PRKCA: variants seen among roughly 807,000 people sequenced by gnomAD.
The protein encoded by PRKCA is protein kinase C alpha, also known as protein kinase C alpha type.
PRKCA carries 27 observed loss-of-function variants against 87.0 expected under a neutral mutation model. That is an observed-to-expected ratio of 0.31 (90% CI 0.23 to 0.43). The LOEUF (loss-of-function observed/expected upper bound fraction) is 0.43. Ranked by LOEUF, PRKCA falls within the 20% of genes least tolerant of loss-of-function variation. The probability of loss-of-function intolerance (pLI) is 1.00; values close to 1 mark genes in which losing one functional copy is unlikely to be tolerated. For synonymous variants in PRKCA, 329 were observed against 311.1 expected, an observed-to-expected ratio of 1.06 and a Z score of -0.61; for missense variants, 518 against 852.3, an observed-to-expected ratio of 0.61 and a Z score of 4.88.
intron 2 of PRKCA, among the ~76,000 whole-genome samples, chr17:66,487,131 T>C (rs1916019989): frequency 6.6e-6 from 1 of 152,188 alleles, no homozygotes; most frequent in South Asian, 2.1e-4. Flanking sequence ...CTAGAACTTA[T>C]TCCTTCTGTC....
At chr17:66,452,536 G>A (rs976959053) in intron 2 of PRKCA, among the ~76,000 whole-genome samples, 2 of 152,176 alleles carry the variant, frequency 1.3e-5, no homozygotes, top group Non-Finnish European at 2.9e-5. Context: ...TGAGAACCTC[G>A]AGGAGTGTTT....
At chr17:66,437,731 T>TTTTTTTTTTTTTTTGTG in intron 2 of PRKCA, among the ~76,000 whole-genome samples, 1 of 11,142 alleles carries the variant, frequency 9.0e-5, no homozygotes, top group Non-Finnish European at 1.6e-4. Context: ...TTTTTTTTTT[T>TTTTTTTTTTTTTTTGTG]GAGCGGGGGG....
chr17:66,544,022 G>T (rs550315842), intron 3 of PRKCA, among the ~76,000 whole-genome samples: 11 of 152,162 alleles, frequency 7.2e-5, no homozygotes, highest in Non-Finnish European at 1.3e-4. Context: ...GACCAGCCTG[G>T]CCGACTTGGT....
chr17:66,454,532 C>T (rs1019810734), intron 2 of PRKCA, among the ~76,000 whole-genome samples: 2 of 152,152 alleles, frequency 1.3e-5, no homozygotes, highest in Non-Finnish European at 2.9e-5. Context: ...GGGCAATTTA[C>T]AAAAGAAAGA....
chr17:66,451,346 T>TTATC (rs1914304149), intron 2 of PRKCA, among the ~76,000 whole-genome samples: 1 of 84,966 alleles, frequency 1.2e-5, no homozygotes, highest in African/African-American at 4.4e-5. Flanking sequence ...GAGTTAGAAT[T>TTATC]TATTTATTTA....
chr17:66,566,479 GGTTTTTTTTTTTTT>G (rs1263822899), intron 3 of PRKCA, among the ~76,000 whole-genome samples: 5 of 74,704 alleles, frequency 6.7e-5, no homozygotes, highest in African/African-American at 2.3e-4. Context: ...GTTGTTTTTT[GGTTTTTTTTTTTTT>G]TTTTTTTTTG....
intron 3 of PRKCA, among the ~76,000 whole-genome samples, chr17:66,506,547 C>G (rs1318344953): frequency 6.6e-6 from 1 of 152,128 alleles, no homozygotes; most frequent in Non-Finnish European, 1.5e-5. Flanking sequence ...CTAACTTGAT[C>G]ACCAGTCGTA....
intron 3 of PRKCA, among the ~76,000 whole-genome samples, chr17:66,524,319 A>G (rs2144233261): frequency 1.3e-5 from 2 of 152,306 alleles, no homozygotes; most frequent in South Asian, 4.1e-4. Context: ...AGCAAAGAGC[A>G]TTTTTGTTAC....
At chr17:66,435,752 T>G (rs1913353620) in intron 2 of PRKCA, among the ~76,000 whole-genome samples, 1 of 152,062 alleles carries the variant, frequency 6.6e-6, no homozygotes, top group Admixed American at 6.6e-5. Context: ...GAGGACTTTT[T>G]GGGGGAGGGG....
chr17:66,372,412 G>A (rs761546224), intron 2 of PRKCA, among the ~76,000 whole-genome samples: 12 of 152,136 alleles, frequency 7.9e-5, no homozygotes, highest in Admixed American at 1.3e-4. Context: ...TAATTGGGCG[G>A]TACTGATGAA....
At chr17:66,484,627 TCTAA>T (rs1394046968) in intron 2 of PRKCA, among the ~76,000 whole-genome samples, 1 of 152,246 alleles carries the variant, frequency 6.6e-6, no homozygotes, top group Non-Finnish European at 1.5e-5. Context: ...TAAAATCCAA[TCTAA>T]CTAATGTATT....
At chr17:66,757,781 G>A (rs1285628206) in intron 13 of PRKCA, among the ~76,000 whole-genome samples, 2 of 152,106 alleles carry the variant, frequency 1.3e-5, no homozygotes, top group Non-Finnish European at 2.9e-5. Flanking sequence ...CTGGAGTGCA[G>A]TGGCGCCATC....
chr17:66,477,336 C>T (rs1915576184), intron 2 of PRKCA, among the ~76,000 whole-genome samples: 1 of 152,218 alleles, frequency 6.6e-6, no homozygotes, highest in South Asian at 2.1e-4. Context: ...AGGGGCGTTG[C>T]TTAACAAGCC....
chr17:66,512,720 A>G (rs1917295491), intron 3 of PRKCA, among the ~76,000 whole-genome samples: 2 of 151,892 alleles, frequency 1.3e-5, no homozygotes, highest in Admixed American at 1.3e-4. Context: ...TGTTATTATT[A>G]TTTTTGAGCT....
At chr17:66,727,482 G>C (rs1973785626) in intron 8 of PRKCA, among the ~76,000 whole-genome samples, 1 of 152,218 alleles carries the variant, frequency 6.6e-6, no homozygotes, top group African/African-American at 2.4e-5. Context: ...TGAGGTCCCA[G>C]GTGAAACTGG....
chr17:66,442,974 ACT>A (rs1913851593), intron 2 of PRKCA, among the ~76,000 whole-genome samples: 1 of 151,898 alleles, frequency 6.6e-6, no homozygotes, highest in African/African-American at 2.4e-5. Flanking sequence ...ACACGAGGTG[ACT>A]CTGGCAGGAG....
chr17:66,465,590 A>C (rs1915050330), intron 2 of PRKCA, among the ~76,000 whole-genome samples: 1 of 150,842 alleles, frequency 6.6e-6, no homozygotes, highest in Non-Finnish European at 1.5e-5. Flanking sequence ...GTAGAGATGA[A>C]GTCTTGCTGT....
chr17:66,414,415 T>C (rs565514117), intron 2 of PRKCA, among the ~76,000 whole-genome samples: 12 of 152,326 alleles, frequency 7.9e-5, no homozygotes, highest in African/African-American at 2.9e-4. Context: ...CCCTGAGGCC[T>C]CCCCAGAAAC....
intron 16 of PRKCA, among the ~76,000 whole-genome samples, chr17:66,800,648 G>T (rs1568043388): frequency 6.6e-6 from 1 of 152,178 alleles, no homozygotes; most frequent in East Asian, 1.9e-4. Flanking sequence ...ACGTCCCATT[G>T]GACGATGATT....
Sources: gnomAD v4.1 joint callset for allele counts (sites outside exome capture counted in the v4.1 genomes callset) on GRCh38, gnomAD v4.1.1 for gene constraint, MANE v1.5 for transcripts, NCBI Gene and HGNC (gene_info 2026-07-23, HGNC 2026-07-21) for gene names.